NEDD9: variants seen among roughly 807,000 people sequenced by gnomAD.
The protein encoded by NEDD9 is neural precursor cell expressed, developmentally down-regulated 9.
Under a neutral mutation model 76.6 loss-of-function variants are expected in NEDD9, and 26 were observed. The ratio of observed to expected loss-of-function variants is 0.34; its 90% CI spans 0.25 to 0.47. The LOEUF is 0.47. Among genes scored for constraint, NEDD9 ranks in the 20% least tolerant of loss-of-function variants. The probability of loss-of-function intolerance (pLI) is 1.00; values close to 1 mark genes in which losing one functional copy is unlikely to be tolerated. For synonymous variants in NEDD9, 392 were observed against 414.2 expected, an observed-to-expected ratio of 0.95 and a Z score of 0.65; for missense variants, 937 against 1,058.5, an observed-to-expected ratio of 0.89 and a Z score of 1.59.
At chr6:11,232,304 C>T (rs866257154) in intron 1 of NEDD9, among the ~76,000 whole-genome samples, 200 bp downstream of exon 1, 2 of 152,180 alleles carry the variant, frequency 1.3e-5, no homozygotes, top group African/African-American at 2.4e-5. Context: ...CTCGGGTGTA[C>T]TGTGAACCCC....
At chr6:11,365,033 G>A (rs1762737435) in intron 1 of NEDD9, among the ~76,000 whole-genome samples, 1 of 152,156 alleles carries the variant, frequency 6.6e-6, no homozygotes, top group Non-Finnish European at 1.5e-5. Context: ...TGGAGCAAGA[G>A]TTGGAGGTGG....
At chr6:11,204,433 A>G (rs1344255408) in intron 2 of NEDD9, among the ~76,000 whole-genome samples, 2 of 152,200 alleles carry the variant, frequency 1.3e-5, no homozygotes, top group Non-Finnish European at 2.9e-5. Context: ...TTGGAAAGAC[A>G]GTCTTAGGCC....
chr6:11,324,641 C>A (rs958362514), intron 2 of NEDD9, among the ~76,000 whole-genome samples: 1 of 152,238 alleles, frequency 6.6e-6, no homozygotes, highest in Non-Finnish European at 1.5e-5. Flanking sequence ...ACAGGAGATA[C>A]GTGTGCCTGT....
At chr6:11,297,826 T>C (rs1561820844) in intron 3 of NEDD9, among the ~76,000 whole-genome samples, 1 of 152,130 alleles carries the variant, frequency 6.6e-6, no homozygotes. Flanking sequence ...GTTAATAACT[T>C]GTTCAAGGCC....
At chr6:11,373,308 T>G (rs982010675) in intron 1 of NEDD9, among the ~76,000 whole-genome samples, 25 of 152,250 alleles carry the variant, frequency 1.6e-4, no homozygotes, top group Admixed American at 1.6e-3. Flanking sequence ...AATAACATGT[T>G]GTATATAATT....
rs1456244229 is a variant in NEDD9, at chr6:11,190,579, C to T, written c.1290G>A (p.Leu430=). 2.5e-6 allele frequency: 4 copies of T among 1,614,210 alleles called. No homozygotes were observed. The highest frequency in any genetic ancestry group is 1.7e-5 in the Admixed American group (1 of 60,034). The change falls in exon 5 of 7, where the codon CTG becomes CTA. Residue 430 remains leucine, a synonymous_variant. Coordinates refer to ENST00000379446, the MANE Select transcript of NEDD9 (RefSeq NM_006403.4). This position sits in a 1 kb window ranked among gnomAD's most constrained non-coding sequence, Gnocchi z 5.8. Reference sequence around the variant, plus strand: ...CGTAACACCGCCAGTCGGTAGTGACCAGTGCCATTAGGCTGGAGACACCCA... The same window carrying T: ...CGTAACACCGCCAGTCGGTAGTGACTAGTGCCATTAGGCTGGAGACACCCA... ...LEMGVSSLMA[L]VTTDWRCYGY... is the part of the protein sequence containing the mutation.
intron 1 of NEDD9, among the ~76,000 whole-genome samples, chr6:11,365,277 T>C (rs984698404): frequency 5.3e-5 from 8 of 152,242 alleles, no homozygotes; most frequent in Non-Finnish European, 1.2e-4. Context: ...AGACCTATTC[T>C]TGTCCTACTT....
At position 11,190,140 on chromosome 6, in the gene NEDD9, T is replaced by C. The variant is rs1561778991; in HGVS notation, c.1729A>G (p.Thr577Ala). The C allele has an allele frequency of 1.2e-6, 2 of 1,614,040 alleles. No individual in the cohort carries two copies. Among genetic ancestry groups the C allele is most frequent in the Admixed American group, 1.7e-5 (1 of 60,030 alleles). The change falls in exon 5 of 7, where the codon ACG becomes GCG. Residue 577 changes from threonine (T) to alanine (A), a missense_variant. Physicochemically the swap from Thr to Ala is moderately conservative, Grantham distance 58. Coordinates refer to ENST00000379446, the MANE Select transcript of NEDD9 (RefSeq NM_006403.4). The surrounding 1 kb of genome is among the most constrained non-coding windows in gnomAD (Gnocchi z 5.8). ...TGGGAGCCACCGTGTGGGTACTCCG[T>C]TGAGTTCATGATGCTCTCCGGCCCA... The part of the protein sequence containing the change: ...KNGPESIMNS[T>A]EYPHGGSQGQ...
At chr6:11,268,069 G>A (rs11969146) in intron 3 of NEDD9, among the ~76,000 whole-genome samples, 2 of 151,908 alleles carry the variant, frequency 1.3e-5, no homozygotes, top group Admixed American at 1.3e-4. Context: ...CCACTCTGTC[G>A]CCCAGGCTGG....
Position 11,197,453 on chromosome 6 carries a change from A to G in NEDD9, c.460-3761T>C, listed in dbSNP as rs1758321443. Among the ~76,000 whole-genome samples, 3 of 152,088 alleles carry G rather than the reference A, an allele frequency of 2.0e-5. No homozygotes were observed. In the South Asian group the frequency reaches 6.2e-4, roughly 31 times the overall value. ...ACCCGGCACAGGATTTGCACTTTCC[A>G]TATGTGGATTTTCTGTCCCTAGGAG... On this transcript the variant is annotated intron_variant, in intron 2 of 6. Coordinates refer to ENST00000379446, the MANE Select transcript of NEDD9 (RefSeq NM_006403.4).
chr6:11,272,205 A>T (rs1361489960), intron 3 of NEDD9, among the ~76,000 whole-genome samples: 1 of 152,094 alleles, frequency 6.6e-6, no homozygotes, highest in East Asian at 1.9e-4. Flanking sequence ...AGGATTACTC[A>T]TTATGTGCAG....
At chr6:11,345,631 C>G (rs1350952617) in intron 1 of NEDD9, among the ~76,000 whole-genome samples, 1 of 152,186 alleles carries the variant, frequency 6.6e-6, no homozygotes, top group African/African-American at 2.4e-5. Context: ...GGGAACTGCT[C>G]TTAGCTCTCC....
At chr6:11,235,857 A>C (rs1759589497), upstream of NEDD9, among the ~76,000 whole-genome samples, 1 of 152,138 alleles carries the variant, frequency 6.6e-6, no homozygotes, top group Non-Finnish European at 1.5e-5. This position sits in a 1 kb window ranked among gnomAD's most constrained non-coding sequence, Gnocchi z 4.1. Context: ...TCAGAGAGGT[A>C]GGTGGTAGGG....
chr6:11,331,501 T>C (rs1366114247), intron 2 of NEDD9, among the ~76,000 whole-genome samples: 1 of 152,098 alleles, frequency 6.6e-6, no homozygotes, highest in Admixed American at 6.5e-5. Context: ...TAAGAATTTT[T>C]TATCCCAACG....
intron 3 of NEDD9, among the ~76,000 whole-genome samples, chr6:11,279,947 C>G (rs556783040): frequency 6.6e-6 from 1 of 152,260 alleles, no homozygotes; most frequent in African/African-American, 2.4e-5. Context: ...GTGGGTGGCT[C>G]CCGGGAAAGG....
At chr6:11,278,856 A>G (rs1760471308) in intron 3 of NEDD9, among the ~76,000 whole-genome samples, 1 of 152,118 alleles carries the variant, frequency 6.6e-6, no homozygotes, top group Admixed American at 6.5e-5. Flanking sequence ...GGGATTACAG[A>G]TGGACAGGTC....
chr6:11,269,616 C>T (rs1308733952), intron 3 of NEDD9, among the ~76,000 whole-genome samples: 1 of 152,004 alleles, frequency 6.6e-6, no homozygotes, highest in East Asian at 1.9e-4. Context: ...TGATTTCTTT[C>T]CTTTTTAATT....
intron 1 of NEDD9, among the ~76,000 whole-genome samples, chr6:11,219,260 G>A (rs1759071984): frequency 6.6e-6 from 1 of 152,186 alleles, no homozygotes; most frequent in South Asian, 2.1e-4. Context: ...CTATGTCAGA[G>A]AAACGATCTG....
chr6:11,196,314 AAAAC>A (rs753048831), intron 2 of NEDD9, among the ~76,000 whole-genome samples: 6 of 152,194 alleles, frequency 3.9e-5, no homozygotes, highest in Admixed American at 1.3e-4. Context: ...AAAACAAAAC[AAAAC>A]AAACAAACAA....
Sources: allele counts gnomAD v4.1 joint callset (sites outside exome capture counted in the v4.1 genomes callset), GRCh38; gene constraint gnomAD v4.1.1; non-coding constraint Gnocchi (gnomAD v3.1); transcripts MANE v1.5; gene names NCBI Gene and HGNC (gene_info 2026-07-23, HGNC 2026-07-21).